Variants in CBLN2 observed in about 807,000 individuals in gnomAD.
The protein encoded by CBLN2 is cerebellin-2.
A neutral mutation model predicts 15.0 loss-of-function variants in CBLN2; 7 were observed. The ratio of observed to expected loss-of-function variants is 0.47; its 90% confidence interval spans 0.27 to 0.88. CBLN2 has a LOEUF of 0.88. Ranked by LOEUF, CBLN2 falls within the 40% of genes least tolerant of loss-of-function variation. CBLN2 has a pLI of 0.14. For synonymous variants in CBLN2, 149 were observed against 135.2 expected (o/e 1.10, Z -0.71); for missense variants, 242 against 304.5 (o/e 0.79, Z 1.53).
At chr18:72,550,955 G>A (rs1275622419) in intron 1 of CBLN2, among the ~76,000 whole-genome samples, 1 of 151,970 alleles carries the variant, frequency 6.6e-6, no homozygotes, top group East Asian at 1.9e-4. Context: ...CTGCTATGGT[G>A]CCTATATTGT....
Position 72,540,503 on chromosome 18 carries a change from A to C in CBLN2, c.357+1301T>G, listed in dbSNP as rs570907800. Among the ~76,000 whole-genome samples the C allele has an allele frequency of 9.3e-4, 142 of 152,314 alleles. 2 individuals carry two copies. Among genetic ancestry groups the C allele is most frequent in the African/African-American group, 3.3e-3 (138 of 41,574 alleles). On this transcript the variant is annotated intron_variant, in intron 3 of 4. Coordinates refer to ENST00000269503, the MANE Select transcript of CBLN2 (RefSeq NM_182511.4). ...AAATGCTATGAAAACTTTGCAAGAC[A>C]TTGGTAAGTGAATAATAATAATATA... is the stretch of plus-strand genomic sequence containing the variant.
At chr18:72,620,105 G>A (rs2069690155) in intron 1 of CBLN2, 1 of 152,360 alleles carries the variant, frequency 6.6e-6, no homozygotes, top group African/African-American at 2.4e-5. Context: ...GTTCAACTCT[G>A]AAGCCCCAGA....
chr18:72,606,999 T>C (rs1213080571), intron 1 of CBLN2, among the ~76,000 whole-genome samples: 1 of 152,218 alleles, frequency 6.6e-6, no homozygotes, highest in Non-Finnish European at 1.5e-5. Flanking sequence ...GTGAAATTAT[T>C]TGAAAATAGT....
At chr18:72,553,259 G>C (rs2069202285) in intron 1 of CBLN2, among the ~76,000 whole-genome samples, 2 of 152,158 alleles carry the variant, frequency 1.3e-5, no homozygotes, top group Admixed American at 6.5e-5. Flanking sequence ...CTCCAAAGAG[G>C]ACTTTGGGAA....
chr18:72,550,859 T>C (rs1047003081), intron 1 of CBLN2, among the ~76,000 whole-genome samples: 4 of 152,138 alleles, frequency 2.6e-5, no homozygotes, highest in African/African-American at 9.7e-5. Flanking sequence ...ACTAACCTAT[T>C]CCATGATTTA....
intron 1 of CBLN2, among the ~76,000 whole-genome samples, chr18:72,632,387 A>C (rs1405731937): frequency 6.6e-6 from 1 of 152,220 alleles, no homozygotes. Context: ...GAAGTCAAAA[A>C]TAAATCAAGC....
intron 1 of CBLN2, among the ~76,000 whole-genome samples, chr18:72,591,504 A>G (rs995020669): frequency 1.3e-5 from 2 of 152,182 alleles, no homozygotes; most frequent in African/African-American, 4.8e-5. Flanking sequence ...GTTACAAATA[A>G]GCCAATTAAA....
In CBLN2 at chr18:72,538,201, G is replaced by A; in HGVS notation, c.650C>T (p.Ser217Leu). The A allele has an allele frequency of 3.1e-6, 5 of 1,614,070 alleles. No homozygotes were observed. Among genetic ancestry groups the A allele is most frequent in the Non-Finnish European group, 4.2e-6 (5 of 1,180,010 alleles). ...LMGGWKYSTF[S>L]GFLVFPL ...TTATAGAGGAAACACCAAGAAGCCC[G>A]AGAATGTGGAGTATTTCCAGCCCCC... Residue 217 changes from serine to leucine, a missense_variant, in exon 5 of 5, where the codon TCG (serine) becomes TTG (leucine). Physicochemically the swap from Ser to Leu is moderately radical, Grantham distance 145 (BLOSUM62 -2). Around this residue, in one of 4 missense-constraint regions of CBLN2, gnomAD observed 31 missense variants for 36.3 expected, o/e 0.86. Transcript: ENST00000269503.
At chr18:72,551,209 C>T (rs539107462) in intron 1 of CBLN2, among the ~76,000 whole-genome samples, 1 of 152,166 alleles carries the variant, frequency 6.6e-6, no homozygotes, top group Admixed American at 6.5e-5. Flanking sequence ...TTCATACTCA[C>T]TTTCAGACAT....
At chr18:72,622,541 T>A (rs1054775538) in intron 1 of CBLN2, among the ~76,000 whole-genome samples, 3 of 152,114 alleles carry the variant, frequency 2.0e-5, no homozygotes, top group African/African-American at 7.2e-5. Context: ...CTCAAATTTC[T>A]AGTGCTGAAT....
chr18:72,615,586 T>G (rs888760982), intron 1 of CBLN2, among the ~76,000 whole-genome samples: 1 of 152,208 alleles, frequency 6.6e-6, no homozygotes, highest in South Asian at 2.1e-4. Context: ...CCAAGTAAAA[T>G]CTTATAAGAT....
intron 1 of CBLN2, among the ~76,000 whole-genome samples, chr18:72,626,988 A>G (rs1401109983): frequency 6.6e-6 from 1 of 152,034 alleles, no homozygotes; most frequent in Non-Finnish European, 1.5e-5. Flanking sequence ...TGCAGTGTGT[A>G]CTCTTTCATG....
chr18:72,570,503 C>T (rs950167357), intron 1 of CBLN2, among the ~76,000 whole-genome samples: 4 of 151,746 alleles, frequency 2.6e-5, no homozygotes, highest in Admixed American at 1.3e-4. Context: ...TCATCTCAGA[C>T]TCCTGAAGTG....
chr18:72,564,139 A>C (rs2069279166), intron 1 of CBLN2, among the ~76,000 whole-genome samples: 1 of 152,174 alleles, frequency 6.6e-6, no homozygotes, highest in Admixed American at 6.5e-5. Context: ...ACACACACAC[A>C]AAATTAAAAA....
rs77717678 is a variant in CBLN2, at chr18:72,563,377, C to A, written c.16-24605G>T. 0.014 allele frequency among the ~76,000 whole-genome samples: 2,130 copies of A among 152,192 alleles called. 195 individuals are homozygous for A. In the East Asian group the frequency reaches 0.27, roughly 19 times the overall value. Reference sequence around the variant, plus strand: ...GAAATGGTTCTGAATGAAGACTTGTCAAAAATGTAGCTTTATTTAAACTAG... The same window carrying A: ...GAAATGGTTCTGAATGAAGACTTGTAAAAAATGTAGCTTTATTTAAACTAG... On this transcript the variant is annotated intron_variant, in intron 1 of 2. Coordinates refer to the CBLN2 transcript ENST00000581073.
upstream of CBLN2, among the ~76,000 whole-genome samples, chr18:72,547,314 AAG>A (rs576776809): frequency 1.3e-3 from 198 of 152,224 alleles, no homozygotes; most frequent in Non-Finnish European, 2.2e-3. Context: ...CACACGAACA[AAG>A]AGAGCAGAAT....
chr18:72,544,871 C>CCAGCATAAAATATTGATAAA (rs1234697409), upstream of CBLN2, among the ~76,000 whole-genome samples: 2 of 151,870 alleles, frequency 1.3e-5, no homozygotes, highest in Non-Finnish European at 2.9e-5. Context: ...GTCTAAAAAA[C>CCAGCATAAAATATTGATAAA]AATCAATATT....
rs745996414 is a variant in CBLN2 at position 72,538,233 on chromosome 18, G to T, written c.618C>A (p.Asn206Lys). ...DKVHLKLERG[N>K]LMGGWKYSTF... ...TGGAGTATTTCCAGCCCCCCATGAG[G>T]TTGCCTCTCTCAAGTTTGAGATGCA... Residue 206 changes from asparagine to lysine, a missense_variant, in exon 5 of 5, where the codon AAC becomes AAA. Asn to Lys is a moderately conservative substitution (Grantham distance 94). This residue lies in a region of CBLN2 where 31 missense variants were observed against 36.3 expected (regional missense o/e 0.86). Transcript: ENST00000269503. The T allele has an allele frequency of 1.9e-6, 3 of 1,613,902 alleles. No individual in the cohort carries two copies. Among genetic ancestry groups the T allele is most frequent in the Non-Finnish European group, 1.7e-6 (2 of 1,180,028 alleles).
chr18:72,590,728 T>C (rs1435172199), intron 1 of CBLN2, among the ~76,000 whole-genome samples: 2 of 152,194 alleles, frequency 1.3e-5, no homozygotes, highest in South Asian at 2.1e-4. Context: ...AAATAACCTA[T>C]AGTGTGATAA....
Sources: gnomAD v4.1 joint callset for allele counts (sites outside exome capture counted in the v4.1 genomes callset) on GRCh38, gnomAD v4.1.1 for gene constraint, gnomAD v4.1.1 regional missense constraint, MANE v1.5 for transcripts, NCBI Gene and HGNC (gene_info 2026-07-23, HGNC 2026-07-21) for gene names.